The following EVI5L variants were observed in gnomAD, a reference collection of about 807,000 sequenced individuals.
The protein encoded by EVI5L is EVI5-like protein.
EVI5L carries 30 observed loss-of-function variants against 106.1 expected under a neutral mutation model. The ratio of observed to expected loss-of-function variants is 0.28; its 90% CI spans 0.21 to 0.38. EVI5L has a LOEUF of 0.38. EVI5L is among the 10% of genes least tolerant of loss of function. The probability of loss-of-function intolerance (pLI) is 1.00; values close to 1 mark genes in which losing one functional copy is unlikely to be tolerated. For synonymous variants in EVI5L, 489 were observed against 483.3 expected, an observed-to-expected ratio of 1.01 and a Z score of -0.15; for missense variants, 809 against 1,098.0, an observed-to-expected ratio of 0.74 and a Z score of 3.72.
At position 7,863,510 on chromosome 19, in the gene EVI5L, G is replaced by A; in HGVS notation, c.2226G>A (p.Ser742=). The A allele has an allele frequency of 6.3e-7, 1 of 1,591,188 alleles. No individual in the cohort carries two copies. The highest frequency in any genetic ancestry group is 8.5e-7 in the Non-Finnish European group (1 of 1,169,926). ...TGGCGCGGCACTTGGACGAGGACTC[G>A]CTGCCGTCGTCGGACGAGGAGCTAC... is the stretch of plus-strand genomic sequence containing the variant. ...LSLARHLDED[S]LPSSDEELLG... Residue 742 remains serine (S), a synonymous_variant, in exon 20 of 20, where the codon TCG becomes TCA. Coordinates refer to ENST00000538904, the MANE Select transcript of EVI5L (RefSeq NM_001159944.3). The surrounding 1 kb of genome is among the most constrained non-coding windows in gnomAD (Gnocchi z 7.7).
chr19:7,850,049 G>A lies in EVI5L; in HGVS notation c.680G>A (p.Arg227Gln), dbSNP rs781496751. The A allele has an allele frequency of 5.0e-6, 8 of 1,603,994 alleles. No individual in the cohort carries two copies. The highest frequency in any genetic ancestry group is 1.3e-5 in the African/African-American group (1 of 74,912). Residue 227 changes from arginine to glutamine, a missense_variant, in exon 6 of 20, where the codon CGG becomes CAG. Transcript: ENST00000538904. This position sits in a 1 kb window ranked among gnomAD's most constrained non-coding sequence, Gnocchi z 5.4. ...CVFVRLMQEY[R>Q]LRELFKPSMA... ...TTCGTGCGGCTGATGCAGGAGTACC[G>A]GCTGCGGGAGCTCTTCAAACCCAGC...
At chr19:7,861,443 C>G (rs1043381624) in intron 14 of EVI5L, among the ~76,000 whole-genome samples, 1 of 152,214 alleles carries the variant, frequency 6.6e-6, no homozygotes, top group Non-Finnish European at 1.5e-5. Flanking sequence ...CCCTGGGACA[C>G]CAGGACAGGG....
At chr19:7,859,316 C>A (rs939352103) in intron 13 of EVI5L, 2 of 152,274 alleles carry the variant, frequency 1.3e-5, no homozygotes, top group African/African-American at 4.8e-5. Flanking sequence ...CTGGAGGGGC[C>A]GGGAGCGACG....
Position 7,847,716 on chromosome 19 carries a change from G to A in EVI5L, c.138-16G>A. ...AGGGAGTCACTGGTTCCCCTCTGTC[G>A]GCCCTTCCTGCCCAGGCTCCTGGAG... On this transcript the variant is annotated splice_polypyrimidine_tract_variant and intron_variant, in intron 2 of 19. Transcript: ENST00000538904. 1.2e-6 allele frequency: 2 copies of A among 1,606,234 alleles called. No homozygotes were observed. Among genetic ancestry groups the A allele is most frequent in the Non-Finnish European group, 8.5e-7 (1 of 1,177,730 alleles).
chr19:7,842,766 A>G (rs868739489), intron 1 of EVI5L, among the ~76,000 whole-genome samples: 16 of 68,826 alleles, frequency 2.3e-4, no homozygotes, highest in African/African-American at 5.3e-4. Context: ...GTGTGTGTGT[A>G]TATGAGTGTG....
chr19:7,863,935 C>A lies in EVI5L; in HGVS notation c.*233C>A. Reference sequence around the variant, plus strand: ...CAGTGTTTACCCATCTTGGTCTGTACCCCTCCGGGCCCTCTGGCGTTCCAG... The same window carrying A: ...CAGTGTTTACCCATCTTGGTCTGTAACCCTCCGGGCCCTCTGGCGTTCCAG... On this transcript the variant is annotated 3_prime_UTR_variant, in exon 20 of 20. Coordinates refer to ENST00000538904, the MANE Select transcript of EVI5L (RefSeq NM_001159944.3). This position sits in a 1 kb window ranked among gnomAD's most constrained non-coding sequence, Gnocchi z 7.7. 1.9e-6 allele frequency: 1 copy of A among 513,120 alleles called. No homozygotes were observed. Among genetic ancestry groups the A allele is most frequent in the Non-Finnish European group, 3.3e-6 (1 of 306,532 alleles). The allele number at this position is 513,120 out of a possible 1,614,324, so 31.8% of individuals were successfully genotyped here.
chr19:7,849,437 A>G, intron 5 of EVI5L, 107 bp downstream of exon 5: 1 of 1,224,750 alleles, frequency 8.2e-7, no homozygotes, highest in Non-Finnish European at 1.1e-6. Context: ...GCGTCTTGCT[A>G]GGGGTAGATC....
intron 1 of EVI5L, 93 bp from the exon 2 acceptor site, chr19:7,846,403 G>A (rs1204577616): frequency 3.0e-5 from 37 of 1,219,212 alleles, no homozygotes; most frequent in Non-Finnish European, 2.8e-5. Flanking sequence ...ACCAGAGGCA[G>A]GAAGCCCAGG....
At chr19:7,838,502 T>A (rs926171009) in intron 1 of EVI5L, among the ~76,000 whole-genome samples, 3 of 152,228 alleles carry the variant, frequency 2.0e-5, no homozygotes, top group Non-Finnish European at 4.4e-5. Context: ...CAAGGGTACG[T>A]GTTAGCCACG....
Position 7,845,469 on chromosome 19 carries a change from G to A in EVI5L, c.-47-1027G>A, listed in dbSNP as rs473782. ...GGATGGACAGTGATAGCCGATGTCC[G>A]TGGGGCCATCACTGAGTGTCAGGCT... On this transcript the variant is annotated intron_variant, in intron 1 of 19. Transcript: ENST00000538904. The surrounding 1 kb of genome is among the most constrained non-coding windows in gnomAD (Gnocchi z 4.0). 0.031 allele frequency among the ~76,000 whole-genome samples: 4,725 copies of A among 152,288 alleles called. 208 individuals are homozygous for A. Among genetic ancestry groups the A allele is most frequent in the African/African-American group, 0.11 (4,376 of 41,552 alleles).
At chr19:7,851,413 C>T (rs1462116699) in intron 6 of EVI5L, 21 bp from the exon 7 acceptor site, 1 of 1,604,000 alleles carries the variant, frequency 6.2e-7, no homozygotes, top group African/African-American at 1.3e-5. Flanking sequence ...ACTGTGCCCA[C>T]CCGGCCTCCC....
chr19:7,850,414 G>A lies in EVI5L; in HGVS notation c.753+292G>A, dbSNP rs745903144. 5.3e-5 allele frequency among the ~76,000 whole-genome samples: 8 copies of A among 152,122 alleles called. No homozygotes were observed. Among genetic ancestry groups the A allele is most frequent in the Non-Finnish European group, 1.0e-4 (7 of 68,016 alleles). Reference sequence around the variant, plus strand: ...CAGAGGGGTGGGGCAGGCTCACATCGGACACAGCCACAGCCACCTCCCTGT... The same window carrying A: ...CAGAGGGGTGGGGCAGGCTCACATCAGACACAGCCACAGCCACCTCCCTGT... On this transcript the variant is annotated intron_variant, in intron 6 of 19. Transcript: ENST00000538904. The surrounding 1 kb of genome is among the most constrained non-coding windows in gnomAD (Gnocchi z 5.4).
chr19:7,863,810 G>A lies in EVI5L; in HGVS notation c.*108G>A. ...GCACTTGACAAACTACGCGCCCTCT[G>A]TGGCTCGGCCACCCCTAAAGCGAGG... is the stretch of plus-strand genomic sequence containing the variant. On this transcript the variant is annotated 3_prime_UTR_variant, in exon 20 of 20. Transcript: ENST00000538904. This position sits in a 1 kb window ranked among gnomAD's most constrained non-coding sequence, Gnocchi z 7.7. The A allele has an allele frequency of 7.2e-7, 1 of 1,383,436 alleles. No homozygotes were observed. The highest frequency in any genetic ancestry group is 1.6e-5 in the South Asian group (1 of 63,824). The allele number at this position is 1,383,436 out of a possible 1,614,324, so 85.7% of individuals were successfully genotyped here.
At position 7,858,025 on chromosome 19, in the gene EVI5L, CCCCAGGCCCAGTGGGACGCTCAT is replaced by C. The variant is rs1365315450; in HGVS notation, c.1234-158_1234-136del. On this transcript the variant is annotated intron_variant, in intron 12 of 19. Coordinates refer to ENST00000538904, the MANE Select transcript of EVI5L (RefSeq NM_001159944.3). This position sits in a 1 kb window ranked among gnomAD's most constrained non-coding sequence, Gnocchi z 5.7. Reference sequence around the variant, plus strand: ...ATTCCTGCCTGTCACCCACCCACGTCCCCAGGCCCAGTGGGACGCTCATCCCAGGCTCTGAGTACGGGAGGCCC... The same window carrying C: ...ATTCCTGCCTGTCACCCACCCACGTCCCCAGGCTCTGAGTACGGGAGGCCC... 1.3e-6 allele frequency: 1 copy of C among 748,344 alleles called. No individual in the cohort carries two copies. The highest frequency in any genetic ancestry group is 2.1e-6 in the Non-Finnish European group (1 of 471,200). 46.4% of individuals were successfully genotyped at this position (748,344 alleles called of 1,614,324 possible).
rs779272597 is a variant in EVI5L at position 7,862,425 on chromosome 19, C to T, written c.1838C>T (p.Ala613Val). Reference protein sequence around the residue: ...IHRNLLNRVEAERAALQEKLQ... With the variant: ...IHRNLLNRVEVERAALQEKLQ... ...CGCAACCTTCTGAACCGCGTGGAGG[C>T]GGAGCGCGCGGCGCTGCAGGAGAAG... is the stretch of plus-strand genomic sequence containing the variant. The change falls in exon 17 of 20, where the codon GCG becomes GTG. Residue 613 changes from alanine (A) to valine (V), a missense_variant. By Grantham distance (64) the Ala-to-Val change is moderately conservative. Around this residue, in one of 2 missense-constraint regions of EVI5L, gnomAD observed 452 missense variants for 509.9 expected, o/e 0.89. Transcript: ENST00000538904. The T allele has an allele frequency of 1.2e-6, 2 of 1,609,928 alleles. No individual in the cohort carries two copies. The highest frequency in any genetic ancestry group is 1.7e-6 in the Non-Finnish European group (2 of 1,178,520).
Position 7,858,250 on chromosome 19 carries a change from G to A in EVI5L, c.1293G>A (p.Ala431=), listed in dbSNP as rs1237182857. Residue 431 remains alanine (A), a synonymous_variant, in exon 13 of 20, where the codon GCG becomes GCA. Coordinates refer to ENST00000538904, the MANE Select transcript of EVI5L (RefSeq NM_001159944.3). The surrounding 1 kb of genome is among the most constrained non-coding windows in gnomAD (Gnocchi z 5.7). The part of the protein sequence containing the change: ...EENYVIKREL[A]VVRQQCSSAA... ...ACTACGTCATCAAGCGGGAGCTGGC[G>A]GTGGTGCGGCAGCAGTGCAGCTCGG... The A allele has an allele frequency of 3.8e-6, 6 of 1,561,666 alleles. No homozygotes were observed. The highest frequency in any genetic ancestry group is 3.5e-5 in the South Asian group (3 of 84,842).
intron 14 of EVI5L, 121 bp downstream of exon 14, chr19:7,860,810 A>G: frequency 8.6e-7 from 1 of 1,159,158 alleles, no homozygotes. Flanking sequence ...ACACAACCAT[A>G]CATATGCACA....
At chr19:7,855,116 T>G (rs1979458206) in intron 10 of EVI5L, among the ~76,000 whole-genome samples, 3 of 143,130 alleles carry the variant, frequency 2.1e-5, no homozygotes, top group African/African-American at 7.9e-5. Flanking sequence ...ATCTTTTTCT[T>G]TTTTTTTTTT....
At position 7,860,571 on chromosome 19, in the gene EVI5L, G is replaced by T; in HGVS notation, c.1385G>T (p.Arg462Leu). The T allele has an allele frequency of 1.3e-6, 2 of 1,592,188 alleles. No homozygotes were observed. Among genetic ancestry groups the T allele is most frequent in the South Asian group, 1.1e-5 (1 of 88,188 alleles). The change falls in exon 14 of 20, where the codon CGC becomes CTC. Residue 462 changes from arginine to leucine, a missense_variant. Transcript: ENST00000538904. ...RQLQEQQENP[R>L]LTEDFVSHLE... ...CTCTGCCTCCCCCAGGAGAACCCCCGCCTCACAGAAGACTTCGTGTCCCAC... is the reference window on the plus strand; with the variant it reads ...CTCTGCCTCCCCCAGGAGAACCCCCTCCTCACAGAAGACTTCGTGTCCCAC...
Sources: allele counts gnomAD v4.1 joint callset (sites outside exome capture counted in the v4.1 genomes callset), GRCh38; gene constraint gnomAD v4.1.1; regional missense constraint gnomAD v4.1.1; non-coding constraint Gnocchi (gnomAD v3.1); transcripts MANE v1.5; gene names NCBI Gene and HGNC (gene_info 2026-07-23, HGNC 2026-07-21).